The following SLC25A26 variants were observed in gnomAD, a reference collection of about 807,000 sequenced individuals.
SLC25A26 encodes the protein solute carrier family 25 member 26.
In SLC25A26, 36 loss-of-function variants were observed where a neutral mutation model predicts 37.8. The observed-to-expected ratio is 0.95, with a 90% CI of 0.73 to 1.26. SLC25A26 has a LOEUF of 1.26. SLC25A26 is among the 50% of genes most tolerant of loss of function. The probability of loss-of-function intolerance (pLI) is 0.00; values close to 1 mark genes in which losing one functional copy is unlikely to be tolerated. For synonymous variants in SLC25A26, 129 were observed against 122.5 expected, an observed-to-expected ratio of 1.05 and a Z score of -0.35; for missense variants, 390 against 331.1, an observed-to-expected ratio of 1.18 and a Z score of -1.38.
intron 3 of SLC25A26, among the ~76,000 whole-genome samples, chr3:66,249,726 A>G (rs1244680534): frequency 6.6e-6 from 1 of 152,220 alleles, no homozygotes; most frequent in Non-Finnish European, 1.5e-5. Flanking sequence ...GCACAGTTGT[A>G]TAAGTGAGTC....
rs151275987 is a variant in SLC25A26, at chr3:66,370,591, G to A, written c.696G>A (p.Gln232=). 1.2e-6 allele frequency: 2 copies of A among 1,613,598 alleles called. No individual in the cohort carries two copies. Among genetic ancestry groups the A allele is most frequent in the African/African-American group, 2.7e-5 (2 of 75,042 alleles). ...LSVLHGVWRS[Q]GLAGLFAGVF... ...TCCTGCATGGGGTCTGGCGGTCACA[G>A]GGGCTGGCAGGGTAAGACGAGGAAT... Residue 232 remains glutamine (Q), a synonymous_variant, in exon 9 of 10, where the codon CAG becomes CAA. Coordinates refer to ENST00000354883, the MANE Select transcript of SLC25A26 (RefSeq NM_001379210.1).
intron 5 of SLC25A26, among the ~76,000 whole-genome samples, chr3:66,295,849 G>T (rs549523481): frequency 1.3e-5 from 2 of 151,908 alleles, no homozygotes; most frequent in Admixed American, 6.6e-5. Flanking sequence ...GTCTGGGCAC[G>T]GTGGCTCACG....
chr3:66,339,841 T>G (rs183901178), intron 5 of SLC25A26, among the ~76,000 whole-genome samples: 12 of 152,258 alleles, frequency 7.9e-5, no homozygotes, highest in Admixed American at 6.5e-4. Flanking sequence ...CATTCATTGA[T>G]GCACATATGT....
At chr3:66,372,046 CTG>C (rs1443287380) in intron 9 of SLC25A26, among the ~76,000 whole-genome samples, 1 of 152,184 alleles carries the variant, frequency 6.6e-6, no homozygotes, top group Non-Finnish European at 1.5e-5. Flanking sequence ...TGAGTTACAA[CTG>C]TGCCACTGCT....
chr3:66,231,831 G>A (rs2072047126), intron 1 of SLC25A26, among the ~76,000 whole-genome samples: 1 of 150,784 alleles, frequency 6.6e-6, no homozygotes, highest in Non-Finnish European at 1.5e-5. Flanking sequence ...CAGGGCAGTG[G>A]CGTGATCATA....
intron 5 of SLC25A26, among the ~76,000 whole-genome samples, chr3:66,337,085 A>T (rs1325583919): frequency 6.6e-6 from 1 of 152,136 alleles, no homozygotes; most frequent in Admixed American, 6.6e-5. Flanking sequence ...CAAATATTGA[A>T]CATTAGCTAG....
chr3:66,236,777 T>C (rs1363604424), intron 2 of SLC25A26, 77 bp downstream of exon 2: 4 of 1,103,108 alleles, frequency 3.6e-6, no homozygotes, highest in South Asian at 2.2e-5. Flanking sequence ...CTTACCCCCA[T>C]AGAATTCCTT....
At chr3:66,247,590 A>G (rs901933105) in intron 3 of SLC25A26, among the ~76,000 whole-genome samples, 1 of 152,210 alleles carries the variant, frequency 6.6e-6, no homozygotes, top group South Asian at 2.1e-4. Flanking sequence ...TAATCCAGAC[A>G]TGAGACACTG....
chr3:66,313,002 G>A (rs1021661175), intron 5 of SLC25A26, among the ~76,000 whole-genome samples: 1 of 152,078 alleles, frequency 6.6e-6, no homozygotes, highest in Non-Finnish European at 1.5e-5. Flanking sequence ...GTAAATATAA[G>A]GTCCTTGTAG....
At chr3:66,260,028 C>G (rs983381317) in intron 3 of SLC25A26, among the ~76,000 whole-genome samples, 3 of 152,114 alleles carry the variant, frequency 2.0e-5, no homozygotes, top group Admixed American at 6.5e-5. Context: ...TATGTACTTC[C>G]TTTTATTGTT....
intron 1 of SLC25A26, among the ~76,000 whole-genome samples, chr3:66,180,360 T>C (rs1317512000): frequency 6.6e-6 from 1 of 152,182 alleles, no homozygotes; most frequent in African/African-American, 2.4e-5. Flanking sequence ...AAGTTTCTAA[T>C]GGCCTAGGAG....
At chr3:66,291,491 C>G (rs1394238391) in intron 5 of SLC25A26, among the ~76,000 whole-genome samples, 1 of 152,124 alleles carries the variant, frequency 6.6e-6, no homozygotes, top group African/African-American at 2.4e-5. Context: ...CCCAGAGATT[C>G]CGGTACGTTG....
intron 5 of SLC25A26, among the ~76,000 whole-genome samples, chr3:66,332,208 G>T (rs2075992235): frequency 6.6e-6 from 1 of 152,162 alleles, no homozygotes; most frequent in Non-Finnish European, 1.5e-5. Context: ...AAAGTGCTGA[G>T]ATTACAGGCG....
chr3:66,208,870 G>GTGTGTATATATA (rs1364331517), intron 1 of SLC25A26, among the ~76,000 whole-genome samples: 3 of 55,902 alleles, frequency 5.4e-5, no homozygotes, highest in Non-Finnish European at 8.8e-5. Context: ...ATGGGTGTGT[G>GTGTGTATATATA]TATATATATA....
upstream of SLC25A26, among the ~76,000 whole-genome samples, chr3:66,217,186 C>T (rs1330292212): frequency 6.6e-6 from 1 of 152,026 alleles, no homozygotes; most frequent in Non-Finnish European, 1.5e-5. Flanking sequence ...GAATTTTTTT[C>T]TTAATTTTAC....
chr3:66,357,271 G>A (rs946501371), intron 6 of SLC25A26, among the ~76,000 whole-genome samples: 7 of 152,094 alleles, frequency 4.6e-5, no homozygotes, highest in African/African-American at 1.7e-4. Context: ...TAAATTAGCC[G>A]GGCATGATGG....
chr3:66,234,507 T>C (rs2072182439), intron 1 of SLC25A26, among the ~76,000 whole-genome samples: 2 of 152,206 alleles, frequency 1.3e-5, no homozygotes, highest in Admixed American at 1.3e-4. Flanking sequence ...TTCAGGGTCT[T>C]TGGGCTTCTT....
At chr3:66,296,068 G>T (rs2074893650) in intron 5 of SLC25A26, among the ~76,000 whole-genome samples, 2 of 152,020 alleles carry the variant, frequency 1.3e-5, no homozygotes, top group Admixed American at 6.5e-5. Flanking sequence ...AATGAGCCGT[G>T]ATCGCACCAT....
intron 2 of SLC25A26, among the ~76,000 whole-genome samples, chr3:66,238,592 C>T (rs888552302): frequency 2.0e-5 from 3 of 151,918 alleles, no homozygotes; most frequent in Non-Finnish European, 4.4e-5. Flanking sequence ...CATGTTATCC[C>T]GACGTCACGT....
Sources: gnomAD v4.1 joint callset for allele counts (sites outside exome capture counted in the v4.1 genomes callset) on GRCh38, gnomAD v4.1.1 for gene constraint, MANE v1.5 for transcripts, NCBI Gene and HGNC (gene_info 2026-07-23, HGNC 2026-07-21) for gene names.